The following MXI1 variants were observed in gnomAD, a reference collection of about 807,000 sequenced individuals.
MXI1 encodes the protein max-interacting protein 1.
Under a neutral mutation model 36.9 loss-of-function variants are expected in MXI1, and 18 were observed. The ratio of observed to expected loss-of-function variants is 0.49; its 90% CI spans 0.34 to 0.72. MXI1 has a LOEUF of 0.72. MXI1 is among the 30% of genes least tolerant of loss of function. The pLI is 0.01. For synonymous variants in MXI1, 160 were observed against 146.7 expected, an observed-to-expected ratio of 1.09 and a Z score of -0.65; for missense variants, 304 against 379.1, an observed-to-expected ratio of 0.80 and a Z score of 1.64.
At chr10:110,250,743 A>C (rs1422937494) in intron 3 of MXI1, among the ~76,000 whole-genome samples, 1 of 151,444 alleles carries the variant, frequency 6.6e-6, no homozygotes, top group African/African-American at 2.4e-5. Context: ...GAGGCACAAG[A>C]ATTGCTTGAA....
intron 1 of MXI1, chr10:110,210,222 C>T (rs1016088508): frequency 1.0e-6 from 1 of 983,478 alleles, no homozygotes. Context: ...GAGGGGCTTC[C>T]TCCCAGCCCA....
chr10:110,254,957 C>T (rs1449232447), intron 3 of MXI1, among the ~76,000 whole-genome samples: 6 of 151,972 alleles, frequency 3.9e-5, no homozygotes, highest in African/African-American at 9.7e-5. Context: ...AAATAATCAA[C>T]GAAGGTGGCA....
chr10:110,285,063 T>C lies in MXI1; in HGVS notation c.*76T>C. On this transcript the variant is annotated 3_prime_UTR_variant, in exon 6 of 6. Coordinates refer to ENST00000332674, the MANE Select transcript of MXI1 (RefSeq NM_130439.3). ...AATACAAACAATCTCTTAAATTGGGTTCATGATGCAGTCTCCTCTTTAAAA... is the reference window on the plus strand; with the variant it reads ...AATACAAACAATCTCTTAAATTGGGCTCATGATGCAGTCTCCTCTTTAAAA... 6 of 1,393,932 alleles carry C rather than the reference T, an allele frequency of 4.3e-6. No homozygotes were observed. Among genetic ancestry groups the C allele is most frequent in the Non-Finnish European group, 5.8e-6 (6 of 1,033,470 alleles). 86.3% of individuals were successfully genotyped at this position (1,393,932 alleles called of 1,614,324 possible).
chr10:110,248,891 T>C (rs182298701), intron 3 of MXI1, among the ~76,000 whole-genome samples: 1 of 152,300 alleles, frequency 6.6e-6, no homozygotes, highest in Non-Finnish European at 1.5e-5. Context: ...AATAATAATC[T>C]GTACCCTACT....
At position 110,207,686 on chromosome 10, in the gene MXI1, C is replaced by A; in HGVS notation, c.-123C>A. On this transcript the variant is annotated 5_prime_UTR_variant, in exon 1 of 6. Coordinates refer to ENST00000332674, the MANE Select transcript of MXI1 (RefSeq NM_130439.3). ...CTGCAGGCAGCGAGGCTCGGGAAGT[C>A]AGGCCGGCTTTTCGCCCCGGCGCCT... is the stretch of plus-strand genomic sequence containing the variant. 1 of 483,416 alleles carries A rather than the reference C, an allele frequency of 2.1e-6. No homozygotes were observed. Among genetic ancestry groups the A allele is most frequent in the Non-Finnish European group, 2.7e-6 (1 of 364,584 alleles). The allele number at this position is 483,416 out of a possible 1,614,324, so 29.9% of individuals were successfully genotyped here.
At chr10:110,278,727 T>C (rs934192246) in intron 3 of MXI1, among the ~76,000 whole-genome samples, 23 of 54,512 alleles carry the variant, frequency 4.2e-4, no homozygotes, top group African/African-American at 1.4e-3. Flanking sequence ...TGTGTGTGTG[T>C]GCCCACACAC....
chr10:110,247,050 T>TG (rs1855893286), intron 3 of MXI1, among the ~76,000 whole-genome samples: 2 of 152,174 alleles, frequency 1.3e-5, no homozygotes, highest in South Asian at 4.1e-4. Context: ...AGACCTTCAT[T>TG]GGAAACCTGG....
chr10:110,254,847 A>T (rs1159877964), intron 3 of MXI1, among the ~76,000 whole-genome samples: 1 of 152,182 alleles, frequency 6.6e-6, no homozygotes, highest in African/African-American at 2.4e-5. Flanking sequence ...AGTTTGGTTC[A>T]TGAGGTTTAA....
rs186149963 is a variant in MXI1, at chr10:110,241,622, A to C, written c.408-3206A>C. 3.0e-4 allele frequency among the ~76,000 whole-genome samples: 46 copies of C among 152,062 alleles called. 1 individual carries two copies. The highest frequency in any genetic ancestry group is 2.8e-3 in the Admixed American group (43 of 15,254). ...GCTGACTAAATGATAAAGTAGCTTC[A>C]GTCACCTATCTTTTCTTTCAGTTTC... On this transcript the variant is annotated intron_variant, in intron 2 of 5. Transcript: ENST00000332674.
At chr10:110,264,991 T>C (rs1856639450) in intron 3 of MXI1, among the ~76,000 whole-genome samples, 1 of 152,316 alleles carries the variant, frequency 6.6e-6, no homozygotes, top group South Asian at 2.1e-4. Context: ...AGAAATGGTA[T>C]ACAGAACTGT....
intron 3 of MXI1, among the ~76,000 whole-genome samples, chr10:110,274,581 A>G (rs932210991): frequency 1.3e-5 from 2 of 152,252 alleles, no homozygotes; most frequent in African/African-American, 4.8e-5. Flanking sequence ...TTAAATAAAA[A>G]TAAAGTAAAT....
At chr10:110,278,770 T>C (rs1857133176) in intron 3 of MXI1, among the ~76,000 whole-genome samples, 1 of 150,854 alleles carries the variant, frequency 6.6e-6, no homozygotes, top group Non-Finnish European at 1.5e-5. Context: ...AGGGGGGAAA[T>C]AGAAACTTGT....
intron 2 of MXI1, among the ~76,000 whole-genome samples, chr10:110,233,522 G>A (rs1433541243): frequency 6.6e-6 from 1 of 151,852 alleles, no homozygotes; most frequent in African/African-American, 2.4e-5. Flanking sequence ...ACTATTCTGT[G>A]TTTTTCAAAT....
chr10:110,260,185 A>T (rs1856460069), intron 3 of MXI1, among the ~76,000 whole-genome samples: 1 of 151,950 alleles, frequency 6.6e-6, no homozygotes, highest in Non-Finnish European at 1.5e-5. Flanking sequence ...AGAAGACATA[A>T]TTTTTCCTTT....
intron 3 of MXI1, among the ~76,000 whole-genome samples, chr10:110,252,709 TTAAG>T (rs1414259368): frequency 6.6e-6 from 1 of 152,112 alleles, no homozygotes; most frequent in Non-Finnish European, 1.5e-5. Context: ...ATAGCAGTCA[TTAAG>T]TAAAAATTCA....
chr10:110,266,210 C>T (rs1856673571), intron 3 of MXI1, among the ~76,000 whole-genome samples: 1 of 151,980 alleles, frequency 6.6e-6, no homozygotes, highest in South Asian at 2.1e-4. Context: ...CAGGTTCAAG[C>T]AGTTCTCCTG....
chr10:110,226,190 C>T (rs1854959982), intron 1 of MXI1: 3 of 1,467,846 alleles, frequency 2.0e-6, no homozygotes, highest in Non-Finnish European at 2.7e-6. Context: ...GGAGAGGCGC[C>T]GGTCGCCACC....
In MXI1 at chr10:110,209,306, AGT is replaced by A. The variant is rs759077262; in HGVS notation, c.274+1235_274+1236del. On this transcript the variant is annotated intron_variant, in intron 1 of 5. Transcript: ENST00000332674. ...CAAGTAGGAAGATCAATGAGGCGCG[AGT>A]GTGTGTGTGTACGTGTGCGCGTGTG... is the stretch of plus-strand genomic sequence containing the variant. Among the ~76,000 whole-genome samples, 32 of 151,964 alleles carry A rather than the reference AGT, an allele frequency of 2.1e-4. No individual in the cohort carries two copies. In the East Asian group the frequency reaches 4.3e-3, roughly 20 times the overall value.
In MXI1 at chr10:110,207,928, G is replaced by T; in HGVS notation, c.120G>T (p.Glu40Asp). Residue 40 changes from glutamate (E) to aspartate (D), a missense_variant, in exon 1 of 6, where the codon GAG (glutamate) becomes GAT (aspartate). Around this residue, in one of 2 missense-constraint regions of MXI1, gnomAD observed 179 missense variants for 184.8 expected, o/e 0.97. Coordinates refer to ENST00000332674, the MANE Select transcript of MXI1 (RefSeq NM_130439.3). ...VAAPQPPALP[E>D]DPAGAKPRCP... Reference sequence around the variant, plus strand: ...CGCCCCAGCCCCCGGCCCTGCCCGAGGACCCCGCTGGGGCCAAGCCCAGGT... The same window carrying T: ...CGCCCCAGCCCCCGGCCCTGCCCGATGACCCCGCTGGGGCCAAGCCCAGGT... 1 of 1,554,294 alleles carries T rather than the reference G, an allele frequency of 6.4e-7. No homozygotes were observed. Among genetic ancestry groups the T allele is most frequent in the Non-Finnish European group, 8.7e-7 (1 of 1,152,362 alleles).
Sources: allele counts gnomAD v4.1 joint callset (sites outside exome capture counted in the v4.1 genomes callset), GRCh38; gene constraint gnomAD v4.1.1; regional missense constraint gnomAD v4.1.1; transcripts MANE v1.5; gene names NCBI Gene and HGNC (gene_info 2026-07-23, HGNC 2026-07-21).